The following PCDHGA8 variants were observed in gnomAD, a reference collection of about 807,000 sequenced individuals.
PCDHGA8 encodes protocadherin gamma-A8.
Under a neutral mutation model 59.2 loss-of-function variants are expected in PCDHGA8, and 45 were observed. That is an observed-to-expected ratio of 0.76 (90% confidence interval 0.60 to 0.98). The LOEUF is 0.98. PCDHGA8 is among the 50% of genes least tolerant of loss of function. The probability of loss-of-function intolerance (pLI) is 0.00; values close to 1 mark genes in which losing one functional copy is unlikely to be tolerated. For missense variants in PCDHGA8, 1,257 were observed against 1,196.2 expected (o/e 1.05, Z -0.75); for synonymous variants, 531 against 519.0 (o/e 1.02, Z -0.32).
chr5:141,415,163 C>G (rs572456395), intron 1 of PCDHGA8: 11 of 1,613,856 alleles, frequency 6.8e-6, no homozygotes, highest in African/African-American at 1.3e-5. Context: ...GCCACTGTCA[C>G]GCTCACCGTG....
chr5:141,418,928 A>G, intron 1 of PCDHGA8: 1 of 1,613,978 alleles, frequency 6.2e-7, no homozygotes, highest in Non-Finnish European at 8.5e-7. Context: ...TGATCAGATT[A>G]TGGAGGATTC....
Position 141,431,359 on chromosome 5 carries a change from G to A in PCDHGA8, c.2424+36122G>A. 1 of 1,614,024 alleles carries A rather than the reference G, an allele frequency of 6.2e-7. No homozygotes were observed. The highest frequency in any genetic ancestry group is 8.5e-7 in the Non-Finnish European group (1 of 1,180,030). On this transcript the variant is annotated intron_variant, in intron 1 of 3. Transcript: ENST00000398604. This position sits in a 1 kb window ranked among gnomAD's most constrained non-coding sequence, Gnocchi z 4.8. ...CCGAATTGGTGCTGAAACGCGCCCTGGACCGCGAAGAAAAGGCTGCTCACC... is the reference window on the plus strand; with the variant it reads ...CCGAATTGGTGCTGAAACGCGCCCTAGACCGCGAAGAAAAGGCTGCTCACC...
rs367651596 is a variant in PCDHGA8, at chr5:141,393,468, A to G, written c.655A>G (p.Lys219Glu). 1.1e-5 allele frequency: 18 copies of G among 1,613,922 alleles called. No individual in the cohort carries two copies. The highest frequency in any genetic ancestry group is 8.0e-5 in the African/African-American group (6 of 74,958). The part of the protein sequence containing the change: ...HLVLTASDGG[K>E]PPRSSTVRIH... ...GGTCCTCACGGCCTCGGATGGCGGC[A>G]AGCCGCCTCGCTCTAGCACAGTGCG... The change falls in exon 1 of 4, where the codon AAG becomes GAG. Residue 219 changes from lysine to glutamate, a missense_variant. Coordinates refer to ENST00000398604, the MANE Select transcript of PCDHGA8 (RefSeq NM_032088.2).
In PCDHGA8 at chr5:141,408,993, T is replaced by G. The variant is rs1258002192; in HGVS notation, c.2424+13756T>G. The G allele has an allele frequency of 1.2e-6, 2 of 1,613,814 alleles. No homozygotes were observed. The highest frequency in any genetic ancestry group is 2.7e-5 in the African/African-American group (2 of 74,912). On this transcript the variant is annotated intron_variant, in intron 1 of 3. Transcript: ENST00000398604. Reference sequence around the variant, plus strand: ...CCCCCTGGGTCCCCTGTGTTGCAAGTGACAGCCACTGACCAGGATGAGGGG... The same window carrying G: ...CCCCCTGGGTCCCCTGTGTTGCAAGGGACAGCCACTGACCAGGATGAGGGG...
rs558074504 is a variant in PCDHGA8 at position 141,489,065 on chromosome 5, C to A, written c.2425-5742C>A. ...CCACTCAAATTCAGCTCCCCTCCCCCCTGCCCACCCCCGCCACTCGGTGAC... is the reference window on the plus strand; with the variant it reads ...CCACTCAAATTCAGCTCCCCTCCCCACTGCCCACCCCCGCCACTCGGTGAC... On this transcript the variant is annotated intron_variant, in intron 1 of 3. Transcript: ENST00000398604. The surrounding 1 kb of genome is among the most constrained non-coding windows in gnomAD (Gnocchi z 4.5). 1,377 of 389,040 alleles carry A rather than the reference C, an allele frequency of 3.5e-3. 31 individuals carry two copies. Among genetic ancestry groups the A allele is most frequent in the Admixed American group, 9.8e-3 (226 of 22,946 alleles). 24.1% of individuals were successfully genotyped at this position (389,040 alleles called of 1,614,324 possible).
chr5:141,413,651 C>T (rs377135032), intron 1 of PCDHGA8: 16 of 1,613,658 alleles, frequency 9.9e-6, no homozygotes, highest in Non-Finnish European at 8.5e-6. Context: ...TTTCCTCTCC[C>T]GGAAGCTATT....
intron 1 of PCDHGA8, chr5:141,418,133 C>T (rs758498780): frequency 2.5e-6 from 4 of 1,613,924 alleles, no homozygotes; most frequent in Non-Finnish European, 3.4e-6. Flanking sequence ...CCGAATAGAC[C>T]GTGAGCAAAT....
intron 1 of PCDHGA8, chr5:141,428,374 C>G: frequency 1.9e-6 from 1 of 530,640 alleles, no homozygotes; most frequent in South Asian, 1.9e-5. Context: ...CTTGCACCTG[C>G]GATGCTCTTC....
intron 1 of PCDHGA8, chr5:141,403,168 G>A: frequency 1.2e-6 from 2 of 1,614,032 alleles, no homozygotes; most frequent in African/African-American, 1.3e-5. Context: ...GAGGTAGGAC[G>A]CAGCTTTTCT....
Position 141,432,972 on chromosome 5 carries a change from C to T in PCDHGA8, c.2424+37735C>T. 1 of 1,614,218 alleles carries T rather than the reference C, an allele frequency of 6.2e-7. No homozygotes were observed. Among genetic ancestry groups the T allele is most frequent in the African/African-American group, 1.3e-5 (1 of 75,058 alleles). ...GGCGGCTTGACAGGAGCGCCGGCGT[C>T]GCACTTTGTGGGCGTGGACGGGGTG... On this transcript the variant is annotated intron_variant, in intron 1 of 3. Coordinates refer to ENST00000398604, the MANE Select transcript of PCDHGA8 (RefSeq NM_032088.2). This position sits in a 1 kb window ranked among gnomAD's most constrained non-coding sequence, Gnocchi z 6.0.
In PCDHGA8 at chr5:141,397,217, T is replaced by C. The variant is rs534809290; in HGVS notation, c.2424+1980T>C. On this transcript the variant is annotated intron_variant, in intron 1 of 3. Transcript: ENST00000398604. The stretch of plus-strand genomic sequence containing the variant: ...AAAGATATGACATAAGAGAAGTATT[T>C]TGAGATATGAAGAAGAGCAACGTAG... Among the ~76,000 whole-genome samples, 15 of 152,296 alleles carry C rather than the reference T, an allele frequency of 9.8e-5. No individual in the cohort carries two copies. In the East Asian group the frequency reaches 2.5e-3, roughly 25 times the overall value.
At chr5:141,464,413 A>G (rs2099083422) in intron 1 of PCDHGA8, among the ~76,000 whole-genome samples, 1 of 151,632 alleles carries the variant, frequency 6.6e-6, no homozygotes, top group African/African-American at 2.4e-5. Context: ...ATATATATAT[A>G]TCTATATATA....
chr5:141,478,073 G>A (rs756198123), intron 1 of PCDHGA8: 1 of 1,614,098 alleles, frequency 6.2e-7, no homozygotes, highest in Admixed American at 1.7e-5. Context: ...AGACAATGGG[G>A]AGCCTTCGCT....
At chr5:141,423,362 T>G (rs1419859253) in intron 1 of PCDHGA8, 1 of 1,614,112 alleles carries the variant, frequency 6.2e-7, no homozygotes, top group African/African-American at 1.3e-5. Flanking sequence ...GTCATCGTGC[T>G]GCTGGCACTC....
chr5:141,489,804 G>A lies in PCDHGA8; in HGVS notation c.2425-5003G>A, dbSNP rs2099692572. 1 of 1,614,056 alleles carries A rather than the reference G, an allele frequency of 6.2e-7. No homozygotes were observed. The highest frequency in any genetic ancestry group is 1.3e-5 in the African/African-American group (1 of 74,932). ...TGAATGTGAAGACCCTAAAAGATGG[G>A]AAGCCATTCCCAGAGCTGGTGCTAG... On this transcript the variant is annotated intron_variant, in intron 1 of 3. Transcript: ENST00000398604. The surrounding 1 kb of genome is among the most constrained non-coding windows in gnomAD (Gnocchi z 4.5).
At position 141,392,949 on chromosome 5, in the gene PCDHGA8, G is replaced by A. The variant is rs747367099; in HGVS notation, c.136G>A (p.Gly46Ser). The change falls in exon 1 of 4, where the codon GGT becomes AGT. Residue 46 changes from glycine (G) to serine (S), a missense_variant. Physicochemically the swap from Gly to Ser is moderately conservative, Grantham distance 56 (BLOSUM62 0). Transcript: ENST00000398604. ...AGAGACGGACAAAGGCTCCTTCGTG[G>A]GTAATATCTCCAAGGACCTGGGGCT... ...PEETDKGSFV[G>S]NISKDLGLDP... The A allele has an allele frequency of 5.6e-6, 9 of 1,613,906 alleles. No homozygotes were observed. In the South Asian group the frequency reaches 8.8e-5, roughly 16 times the overall value.
chr5:141,501,290 T>TACACATACACAC (rs1224133816), intron 2 of PCDHGA8, among the ~76,000 whole-genome samples: 9 of 136,158 alleles, frequency 6.6e-5, no homozygotes, highest in Admixed American at 1.6e-4. Context: ...TATTCCCTTA[T>TACACATACACAC]ACACACACAC....
intron 1 of PCDHGA8, among the ~76,000 whole-genome samples, chr5:141,438,119 A>G (rs2097930168): frequency 6.6e-6 from 1 of 152,220 alleles, no homozygotes; most frequent in Non-Finnish European, 1.5e-5. Flanking sequence ...ATGCATTCCT[A>G]AAATATTAAT....
chr5:141,445,608 C>T (rs2098472204), intron 1 of PCDHGA8, among the ~76,000 whole-genome samples: 1 of 152,108 alleles, frequency 6.6e-6, no homozygotes, highest in South Asian at 2.1e-4. Context: ...TCAAGGAAGG[C>T]TTTCTTTTTT....
Sources: gnomAD v4.1 joint callset for allele counts (sites outside exome capture counted in the v4.1 genomes callset) on GRCh38, gnomAD v4.1.1 for gene constraint, Gnocchi (gnomAD v3.1) non-coding constraint, MANE v1.5 for transcripts, NCBI Gene and HGNC (gene_info 2026-07-23, HGNC 2026-07-21) for gene names.